RANBP3: variants seen among roughly 807,000 people sequenced by gnomAD.
RANBP3 encodes the protein RAN binding protein 3.
In RANBP3, 14 loss-of-function variants were observed where a neutral mutation model predicts 77.3. The observed-to-expected ratio is 0.18, with a 90% CI of 0.12 to 0.28. The LOEUF (loss-of-function observed/expected upper bound fraction) is 0.28. Ranked by LOEUF, RANBP3 falls within the 10% of genes least tolerant of loss-of-function variation. The pLI is 1.00. For synonymous variants in RANBP3, 315 were observed against 312.4 expected, an observed-to-expected ratio of 1.01 and a Z score of -0.09; for missense variants, 586 against 752.3, an observed-to-expected ratio of 0.78 and a Z score of 2.59.
Position 5,929,092 on chromosome 19 carries a change from C to T in RANBP3, c.694-1005G>A, listed in dbSNP as rs573992509. ...CAGCGGGCAGGGAAGCCTGGAGTTACAATGCCAGGCCCAGAATCAGCGGAT... is the reference window on the plus strand; with the variant it reads ...CAGCGGGCAGGGAAGCCTGGAGTTATAATGCCAGGCCCAGAATCAGCGGAT... On this transcript the variant is annotated intron_variant, in intron 8 of 16. Transcript: ENST00000340578. 4.7e-4 allele frequency among the ~76,000 whole-genome samples: 71 copies of T among 152,292 alleles called. 2 individuals carry two copies. The highest frequency in any genetic ancestry group is 1.5e-3 in the African/African-American group (64 of 41,552).
chr19:5,975,993 G>A (rs2058586308), intron 1 of RANBP3, among the ~76,000 whole-genome samples: 1 of 152,140 alleles, frequency 6.6e-6, no homozygotes, highest in African/African-American at 2.4e-5. Flanking sequence ...GTTCTCAGAT[G>A]GGTAAGGGTG....
At chr19:5,932,387 G>A in intron 7 of RANBP3, 65 bp downstream of exon 7, 2 of 1,303,788 alleles carry the variant, frequency 1.5e-6, no homozygotes, top group Non-Finnish European at 1.1e-6. Context: ...TGCTGTCCCG[G>A]GTGCGACTTC....
Position 5,921,103 on chromosome 19 carries a change from A to G in RANBP3, c.1330+98T>C. The G allele has an allele frequency of 7.1e-7, 1 of 1,416,882 alleles. No individual in the cohort carries two copies. The highest frequency in any genetic ancestry group is 9.5e-7 in the Non-Finnish European group (1 of 1,055,206). The allele number at this position is 1,416,882 out of a possible 1,614,324, so 87.8% of individuals were successfully genotyped here. ...TCTGTGCCTTGACTCTCACAAGGGT[A>G]GGGTCAGGATCTCCCCCGCTTCATT... On this transcript the variant is annotated intron_variant, in intron 14 of 16. Transcript: ENST00000340578. This position sits in a 1 kb window ranked among gnomAD's most constrained non-coding sequence, Gnocchi z 5.3.
At chr19:5,919,581 C>A (rs981451597) in intron 14 of RANBP3, among the ~76,000 whole-genome samples, 1 of 152,094 alleles carries the variant, frequency 6.6e-6, no homozygotes, top group African/African-American at 2.4e-5. Flanking sequence ...AACATTTCCA[C>A]GAGACAAAAG....
At chr19:5,942,290 G>A (rs1009098582) in intron 3 of RANBP3, among the ~76,000 whole-genome samples, 8 of 152,176 alleles carry the variant, frequency 5.3e-5, no homozygotes, top group African/African-American at 1.9e-4. Flanking sequence ...ATTCTACCAT[G>A]CACATGCTTG....
At chr19:5,973,753 C>T (rs888106112) in intron 1 of RANBP3, among the ~76,000 whole-genome samples, 1 of 152,206 alleles carries the variant, frequency 6.6e-6, no homozygotes, top group African/African-American at 2.4e-5. Context: ...AAACAGTGAC[C>T]TGAGTGTTTA....
At chr19:5,934,641 C>A (rs1458830421) in intron 5 of RANBP3, among the ~76,000 whole-genome samples, 1 of 152,150 alleles carries the variant, frequency 6.6e-6, no homozygotes, top group East Asian at 1.9e-4. Context: ...TGAGATCAGC[C>A]TGGGCAACAC....
chr19:5,924,016 C>T lies in RANBP3; in HGVS notation c.997-102G>A, dbSNP rs78521116. 6.6e-3 allele frequency: 5,796 copies of T among 882,942 alleles called. 227 individuals carry two copies. In the African/African-American group the frequency reaches 0.086, roughly 13 times the overall value. 54.7% of individuals were successfully genotyped at this position (882,942 alleles called of 1,614,324 possible). A position where few individuals can be genotyped will look rare whatever the true frequency, so the allele number is the denominator to read the frequency against. ...CTGGCCCCCAACACTACGCTGCCCC[C>T]AGCACTCCTGCCCACTCCCGGTGAC... On this transcript the variant is annotated intron_variant, in intron 11 of 16. Coordinates refer to ENST00000340578, the MANE Select transcript of RANBP3 (RefSeq NM_007322.3). The surrounding 1 kb of genome is among the most constrained non-coding windows in gnomAD (Gnocchi z 4.7).
At chr19:5,931,967 C>A (rs867514652) in intron 7 of RANBP3, among the ~76,000 whole-genome samples, 1 of 151,926 alleles carries the variant, frequency 6.6e-6, no homozygotes, top group African/African-American at 2.4e-5. Context: ...CCCAGGAGTT[C>A]GAGGCTGCAG....
chr19:5,916,273 TG>T lies in RANBP3; in HGVS notation c.*1336del, dbSNP rs2057736138. On this transcript the variant is annotated 3_prime_UTR_variant, in exon 17 of 17. Coordinates refer to ENST00000340578, the MANE Select transcript of RANBP3 (RefSeq NM_007322.3). Reference sequence around the variant, plus strand: ...AAGGCTTAAAGCAGAGACGTGTGACTGGGTCTCTCGGGAGGGCCTCTGGTTC... The same window carrying T: ...AAGGCTTAAAGCAGAGACGTGTGACTGGTCTCTCGGGAGGGCCTCTGGTTC... 1 of 152,284 alleles carries T rather than the reference TG, an allele frequency of 6.6e-6. No homozygotes were observed. Among genetic ancestry groups the T allele is most frequent in the Non-Finnish European group, 1.5e-5 (1 of 68,090 alleles). 9.4% of individuals were successfully genotyped at this position (152,284 alleles called of 1,614,324 possible).
chr19:5,951,226 A>G (rs2058270402), intron 3 of RANBP3, among the ~76,000 whole-genome samples, 167 bp downstream of exon 3: 1 of 152,224 alleles, frequency 6.6e-6, no homozygotes, highest in Non-Finnish European at 1.5e-5. Context: ...CTGACTTTTC[A>G]GCAGCATGAA....
chr19:5,937,444 A>G (rs1450377360), intron 5 of RANBP3, among the ~76,000 whole-genome samples: 1 of 152,190 alleles, frequency 6.6e-6, no homozygotes, highest in Non-Finnish European at 1.5e-5. Context: ...CCTCAAGGTC[A>G]TGAAAGTCAA....
rs1451366710 is a variant in RANBP3 at position 5,921,110 on chromosome 19, G to C, written c.1330+91C>G. 4 of 1,464,880 alleles carry C rather than the reference G, an allele frequency of 2.7e-6. No homozygotes were observed. In the East Asian group the frequency reaches 7.2e-5, roughly 26 times the overall value. The allele number at this position is 1,464,880 out of a possible 1,614,324, so 90.7% of individuals were successfully genotyped here. ...CTTGACTCTCACAAGGGTAGGGTCA[G>C]GATCTCCCCCGCTTCATTCCCTTTG... On this transcript the variant is annotated intron_variant, in intron 14 of 16. Transcript: ENST00000340578. This position sits in a 1 kb window ranked among gnomAD's most constrained non-coding sequence, Gnocchi z 5.3.
At chr19:5,932,582 C>T in intron 6 of RANBP3, 38 bp from the exon 7 acceptor site, 1 of 1,550,946 alleles carries the variant, frequency 6.4e-7, no homozygotes, top group South Asian at 1.1e-5. Flanking sequence ...GCCCGTGGAC[C>T]CCTGCCTGCC....
intron 8 of RANBP3, among the ~76,000 whole-genome samples, chr19:5,930,552 C>CAT (rs1374235267): frequency 6.6e-6 from 1 of 152,192 alleles, no homozygotes; most frequent in African/African-American, 2.4e-5. Context: ...TAATCCAAAC[C>CAT]ATACCCCCGC....
At chr19:5,948,563 C>G (rs971633900) in intron 3 of RANBP3, among the ~76,000 whole-genome samples, 2 of 152,018 alleles carry the variant, frequency 1.3e-5, no homozygotes, top group Non-Finnish European at 2.9e-5. Flanking sequence ...TGGCTGGATA[C>G]CTGGGATACA....
At chr19:5,955,996 T>C (rs1226795979) in intron 2 of RANBP3, among the ~76,000 whole-genome samples, 1 of 152,114 alleles carries the variant, frequency 6.6e-6, no homozygotes, top group Non-Finnish European at 1.5e-5. Flanking sequence ...TAGTCCCAGC[T>C]ACTCAGAAGG....
At chr19:5,955,697 T>C (rs148915567) in intron 2 of RANBP3, among the ~76,000 whole-genome samples, 1 of 152,356 alleles carries the variant, frequency 6.6e-6, no homozygotes, top group East Asian at 1.9e-4. Context: ...AACCAGGGGT[T>C]GGCAAACTGT....
At chr19:5,923,415 G>T in intron 12 of RANBP3, 112 bp from the exon 13 acceptor site, 1 of 1,060,452 alleles carries the variant, frequency 9.4e-7, no homozygotes. Context: ...GACGCCTGCT[G>T]CCCCTGGCAG....
Sources: allele counts gnomAD v4.1 joint callset (sites outside exome capture counted in the v4.1 genomes callset), GRCh38; gene constraint gnomAD v4.1.1; non-coding constraint Gnocchi (gnomAD v3.1); transcripts MANE v1.5; gene names NCBI Gene and HGNC (gene_info 2026-07-23, HGNC 2026-07-21).